The following CTDSPL variants were observed in gnomAD, a reference collection of about 807,000 sequenced individuals.
CTDSPL encodes CTD small phosphatase-like protein.
CTDSPL carries 8 observed loss-of-function variants against 30.5 expected under a neutral mutation model. The observed-to-expected ratio is 0.26, with a 90% CI of 0.15 to 0.47. CTDSPL has a LOEUF of 0.47. Ranked by LOEUF, CTDSPL falls within the 20% of genes least tolerant of loss-of-function variation. The pLI is 0.99. For synonymous variants in CTDSPL, 110 were observed against 137.9 expected (o/e 0.80, Z 1.42); for missense variants, 248 against 366.1 (o/e 0.68, Z 2.63).
intron 1 of CTDSPL, among the ~76,000 whole-genome samples, chr3:37,913,997 A>T (rs1053049878): frequency 1.3e-5 from 2 of 152,144 alleles, no homozygotes; most frequent in Non-Finnish European, 2.9e-5. Context: ...TTTCATTGAG[A>T]TTGTGTGGAA....
intron 3 of CTDSPL, among the ~76,000 whole-genome samples, chr3:37,960,846 C>T (rs1375232259): frequency 6.6e-6 from 1 of 152,090 alleles, no homozygotes; most frequent in Non-Finnish European, 1.5e-5. Flanking sequence ...CTTCTCTATT[C>T]ATTTCCTGTA....
intron 1 of CTDSPL, among the ~76,000 whole-genome samples, chr3:37,869,375 G>A (rs770013344): frequency 5.9e-5 from 9 of 151,902 alleles, no homozygotes; most frequent in Non-Finnish European, 1.2e-4. Context: ...TTTTTTAAGC[G>A]ACTATCAATT....
chr3:37,970,742 C>T (rs960685342), intron 5 of CTDSPL, among the ~76,000 whole-genome samples: 1 of 152,204 alleles, frequency 6.6e-6, no homozygotes, highest in East Asian at 1.9e-4. Flanking sequence ...CTTTGCACCC[C>T]TCTGCTCAGA....
At chr3:37,923,867 G>A (rs1255167276) in intron 1 of CTDSPL, among the ~76,000 whole-genome samples, 2 of 151,690 alleles carry the variant, frequency 1.3e-5, no homozygotes, top group African/African-American at 2.4e-5. Flanking sequence ...ACTCATTTAG[G>A]CTATCAGAGC....
At chr3:37,872,559 T>A (rs1167747147) in intron 1 of CTDSPL, among the ~76,000 whole-genome samples, 50 of 139,076 alleles carry the variant, frequency 3.6e-4, no homozygotes, top group Admixed American at 1.2e-3. Flanking sequence ...TTTTTTTTTT[T>A]AAATTCTTTT....
rs1454065192 is a variant in CTDSPL at position 37,960,501 on chromosome 3, A to T, written c.267+3358A>T. 1.8e-4 allele frequency among the ~76,000 whole-genome samples: 11 copies of T among 60,620 alleles called. No homozygotes were observed. The South Asian group carries it at 2.6e-3, about 14-fold the overall frequency. The allele number at this position is 60,620 out of a possible 152,430, so 39.8% of individuals were successfully genotyped here. A position where few individuals can be genotyped will look rare whatever the true frequency, so the allele number is the denominator to read the frequency against. ...GTCTCAAAAAAAAAAAAAAAAAAAAAAAAAATATATATATATATATATATA... is the reference window on the plus strand; with the variant it reads ...GTCTCAAAAAAAAAAAAAAAAAAAATAAAAATATATATATATATATATATA... On this transcript the variant is annotated intron_variant, in intron 3 of 7. Transcript: ENST00000273179.
At chr3:37,913,081 G>A (rs968561583) in intron 1 of CTDSPL, among the ~76,000 whole-genome samples, 5 of 152,170 alleles carry the variant, frequency 3.3e-5, no homozygotes, top group Non-Finnish European at 7.3e-5. Flanking sequence ...AGCGCTTTGG[G>A]AGGCTGAGGC....
At chr3:37,939,920 C>T (rs1318661130) in intron 1 of CTDSPL, among the ~76,000 whole-genome samples, 1 of 144,454 alleles carries the variant, frequency 6.9e-6, no homozygotes, top group Non-Finnish European at 1.5e-5. Flanking sequence ...GGTGAAACCC[C>T]GTCTCTACTA....
intron 3 of CTDSPL, among the ~76,000 whole-genome samples, chr3:37,959,830 A>G (rs150870285): frequency 0.011 from 1,642 of 152,342 alleles, 13 homozygotes; most frequent in Non-Finnish European, 0.018. Flanking sequence ...TTACATTCTC[A>G]TGAATTATCT....
rs1697955967 is a variant in CTDSPL at position 37,862,567 on chromosome 3, G to C, written c.79+289G>C. On this transcript the variant is annotated intron_variant, in intron 1 of 7. Transcript: ENST00000273179. The surrounding 1 kb of genome is among the most constrained non-coding windows in gnomAD (Gnocchi z 4.3). ...ACGCCCGCAGAGAAGTTGTGAGCCT[G>C]TGTGTGCACCTAACACAGAGGTTCT... 1.3e-5 allele frequency among the ~76,000 whole-genome samples: 2 copies of C among 152,240 alleles called. 1 individual carries two copies. Among genetic ancestry groups the C allele is most frequent in the South Asian group, 4.1e-4 (2 of 4,834 alleles).
rs115279710 is a variant in CTDSPL at position 37,936,494 on chromosome 3, G to A, written c.80-10563G>A. Among the ~76,000 whole-genome samples the A allele has an allele frequency of 4.0e-3, 613 of 152,108 alleles. 4 individuals are homozygous for A. The highest frequency in any genetic ancestry group is 5.5e-3 in the Non-Finnish European group (372 of 67,998). On this transcript the variant is annotated intron_variant, in intron 1 of 7. Transcript: ENST00000273179. Reference sequence around the variant, plus strand: ...CACTCTTTCAGGGTGGGAAAGGAATGTAATGTATGCATAGACTGCCCAGAA... The same window carrying A: ...CACTCTTTCAGGGTGGGAAAGGAATATAATGTATGCATAGACTGCCCAGAA...
At chr3:37,894,857 T>C (rs1698373891) in intron 1 of CTDSPL, among the ~76,000 whole-genome samples, 1 of 152,208 alleles carries the variant, frequency 6.6e-6, no homozygotes, top group Middle Eastern at 3.2e-3. Context: ...CCAGTGATTT[T>C]TAAAATTTTT....
rs1215675580 is a variant in CTDSPL at position 37,983,645 on chromosome 3, T to A, written c.*2778T>A. 1 of 152,622 alleles carries A rather than the reference T, an allele frequency of 6.6e-6. No homozygotes were observed. Among genetic ancestry groups the A allele is most frequent in the African/African-American group, 2.4e-5 (1 of 41,424 alleles). The allele number at this position is 152,622 out of a possible 1,614,324, so 9.5% of individuals were successfully genotyped here. On this transcript the variant is annotated 3_prime_UTR_variant, in exon 8 of 8. Coordinates refer to ENST00000273179, the MANE Select transcript of CTDSPL (RefSeq NM_001008392.2). ...CATTGAGCTCTGGGACAGGACACCT[T>A]GGGTTTGTGGACTGCAGCCCACTAT... is the stretch of plus-strand genomic sequence containing the variant.
At chr3:37,914,581 A>T (rs184135942) in intron 1 of CTDSPL, among the ~76,000 whole-genome samples, 1 of 152,344 alleles carries the variant, frequency 6.6e-6, no homozygotes, top group African/African-American at 2.4e-5. Context: ...GAATCTATGG[A>T]TATGATCATT....
chr3:37,865,800 G>A (rs1233865527), intron 1 of CTDSPL, among the ~76,000 whole-genome samples: 1 of 152,156 alleles, frequency 6.6e-6, no homozygotes, highest in Non-Finnish European at 1.5e-5. Context: ...CTGGAAAGCA[G>A]AAACGCAAAA....
chr3:37,910,044 G>C (rs746090555), intron 1 of CTDSPL, among the ~76,000 whole-genome samples: 2 of 152,124 alleles, frequency 1.3e-5, no homozygotes, highest in Non-Finnish European at 2.9e-5. Context: ...TAACTTCTAT[G>C]CTTCAATTTT....
At chr3:37,934,400 T>C (rs975571684) in intron 1 of CTDSPL, among the ~76,000 whole-genome samples, 5 of 152,126 alleles carry the variant, frequency 3.3e-5, no homozygotes, top group Non-Finnish European at 7.4e-5. Context: ...TGTTTACATT[T>C]TATTAAGTAG....
At chr3:37,967,775 G>T in intron 4 of CTDSPL, 51 bp from the exon 5 acceptor site, 1 of 1,373,642 alleles carries the variant, frequency 7.3e-7, no homozygotes, top group South Asian at 1.3e-5. Flanking sequence ...AAAATTTCCA[G>T]AGTTTTTTTG....
intron 1 of CTDSPL, among the ~76,000 whole-genome samples, chr3:37,943,743 T>G (rs1307736943): frequency 3.3e-5 from 5 of 149,694 alleles, no homozygotes. Context: ...CGAGGAAAGG[T>G]GGTGAGAGGT....
Sources: allele counts gnomAD v4.1 joint callset (sites outside exome capture counted in the v4.1 genomes callset), GRCh38; gene constraint gnomAD v4.1.1; non-coding constraint Gnocchi (gnomAD v3.1); transcripts MANE v1.5; gene names NCBI Gene and HGNC (gene_info 2026-07-23, HGNC 2026-07-21).